The following SHQ1 variants were observed in gnomAD, a reference collection of about 807,000 sequenced individuals.
SHQ1 encodes SHQ1, H/ACA ribonucleoprotein assembly factor.
SHQ1 carries 49 observed loss-of-function variants against 53.8 expected under a neutral mutation model. The observed-to-expected ratio is 0.91, with a 90% CI of 0.72 to 1.16. The LOEUF is 1.16. Ranked by LOEUF, SHQ1 falls within the 50% of genes most tolerant of loss-of-function variation. SHQ1 has a pLI of 0.00. For synonymous variants in SHQ1, 243 were observed against 251.0 expected (o/e 0.97, Z 0.30); for missense variants, 738 against 683.1 (o/e 1.08, Z -0.90).
intron 4 of SHQ1, among the ~76,000 whole-genome samples, chr3:72,835,385 T>C (rs1707960586): frequency 6.6e-6 from 1 of 151,584 alleles, no homozygotes; most frequent in Admixed American, 6.6e-5. Context: ...TGCTGCTCCC[T>C]GTTACTCACT....
In SHQ1 at chr3:72,835,181, T is replaced by C. The variant is rs74713152; in HGVS notation, c.487-2700A>G. Among the ~76,000 whole-genome samples the C allele has an allele frequency of 5.4e-3, 822 of 151,244 alleles. 10 individuals carry two copies. Among genetic ancestry groups the C allele is most frequent in the African/African-American group, 0.019 (793 of 41,166 alleles). The stretch of plus-strand genomic sequence containing the variant: ...TCAACATCCTCAACATAACCAAATC[T>C]GCAAAATACCTTTTGCAACATAATG... On this transcript the variant is annotated intron_variant, in intron 4 of 10. Transcript: ENST00000325599.
intron 9 of SHQ1, among the ~76,000 whole-genome samples, chr3:72,803,512 G>C (rs572758545): frequency 1.3e-5 from 2 of 152,184 alleles, no homozygotes; most frequent in Non-Finnish European, 2.9e-5. Flanking sequence ...TAGCTGAAAT[G>C]ATCTACTTCA....
chr3:72,727,242 G>C, the SHQ1 span, among the ~76,000 whole-genome samples: 8 of 152,122 alleles, frequency 5.3e-5, no homozygotes, highest in African/African-American at 1.9e-4. Flanking sequence ...GCTCCCCGTA[G>C]TTTCCACCCG....
intron 10 of SHQ1, among the ~76,000 whole-genome samples, chr3:72,758,562 T>C (rs201125948): frequency 1.4e-5 from 2 of 146,672 alleles, no homozygotes; most frequent in South Asian, 2.1e-4. Context: ...AGGCTACTAT[T>C]TTTTCTTTTT....
intron 10 of SHQ1, among the ~76,000 whole-genome samples, chr3:72,774,040 C>A (rs1031950859): frequency 6.6e-6 from 1 of 152,082 alleles, no homozygotes; most frequent in Non-Finnish European, 1.5e-5. Flanking sequence ...CAGGCCAATA[C>A]TAATCAAAAG....
In SHQ1 at chr3:72,792,433, C is replaced by T. The variant is rs190210908; in HGVS notation, c.1181+483G>A. Among the ~76,000 whole-genome samples, 23 of 152,244 alleles carry T rather than the reference C, an allele frequency of 1.5e-4. No individual in the cohort carries two copies. In the East Asian group the frequency reaches 4.1e-3, roughly 27 times the overall value. On this transcript the variant is annotated intron_variant, in intron 10 of 10. Coordinates refer to ENST00000325599, the MANE Select transcript of SHQ1 (RefSeq NM_018130.3). ...TTCCCTAAGCAAATTCACCAAGCTC[C>T]CCATGTTAATCCAGTTGCTTTTTAG...
intron 1 of SHQ1, 70 bp downstream of exon 1, chr3:72,848,128 C>T: frequency 1.3e-6 from 2 of 1,587,876 alleles, no homozygotes; most frequent in Non-Finnish European, 8.6e-7. Context: ...CTCTCTCGAC[C>T]TTGCATTCTC....
At chr3:72,801,376 A>AT (rs1351661715) in intron 9 of SHQ1, among the ~76,000 whole-genome samples, 2 of 152,092 alleles carry the variant, frequency 1.3e-5, no homozygotes, top group Admixed American at 6.5e-5. Context: ...ATTACACTTC[A>AT]TTTTTTTCCA....
intron 5 of SHQ1, among the ~76,000 whole-genome samples, chr3:72,831,764 A>G (rs1385168794): frequency 6.6e-6 from 1 of 152,238 alleles, no homozygotes; most frequent in East Asian, 1.9e-4. Context: ...TGTTAATTAG[A>G]TAAGTTCTTT....
At chr3:72,734,412 T>G in the SHQ1 span, among the ~76,000 whole-genome samples, 1 of 150,884 alleles carries the variant, frequency 6.6e-6, no homozygotes, top group Non-Finnish European at 1.5e-5. Flanking sequence ...CATGCCACCA[T>G]GCCCAGCTAA....
chr3:72,759,954 G>GA (rs1301114208), intron 10 of SHQ1, among the ~76,000 whole-genome samples: 4 of 152,096 alleles, frequency 2.6e-5, no homozygotes, highest in East Asian at 3.9e-4. Context: ...AATTCTTACA[G>GA]AAAAAAATCA....
intron 10 of SHQ1, among the ~76,000 whole-genome samples, chr3:72,760,019 C>G (rs561395577): frequency 6.6e-6 from 1 of 152,314 alleles, no homozygotes; most frequent in South Asian, 2.1e-4. Context: ...TCAAATCAAT[C>G]TTTTAATCAA....
At chr3:72,841,270 GA>G (rs955938794) in intron 3 of SHQ1, 71 bp from the exon 4 acceptor site, 6 of 1,168,264 alleles carry the variant, frequency 5.1e-6, no homozygotes, top group Admixed American at 3.0e-5. Flanking sequence ...AAAAGTATAG[GA>G]AAAAATGCCC....
chr3:72,737,385 G>C, the SHQ1 span, among the ~76,000 whole-genome samples: 2 of 152,160 alleles, frequency 1.3e-5, no homozygotes, highest in Non-Finnish European at 2.9e-5. Flanking sequence ...TCTGAAGGCA[G>C]AGTCTGAAGG....
chr3:72,841,247 A>C (rs762177075), intron 3 of SHQ1, 48 bp from the exon 4 acceptor site: 11 of 1,457,230 alleles, frequency 7.5e-6, no homozygotes, highest in Non-Finnish European at 1.0e-5. Context: ...ATTTAAGTAC[A>C]ACTAGGGGAA....
At chr3:72,801,375 C>T (rs75185488) in intron 9 of SHQ1, among the ~76,000 whole-genome samples, 1,808 of 152,218 alleles carry the variant, frequency 0.012, 24 homozygotes, top group Non-Finnish European at 0.019. Context: ...AATTACACTT[C>T]ATTTTTTTCC....
chr3:72,742,281 G>A, the SHQ1 span, among the ~76,000 whole-genome samples: 1 of 151,840 alleles, frequency 6.6e-6, no homozygotes, highest in East Asian at 1.9e-4. Context: ...AAGAGCTGCT[G>A]AGGAAGCACC....
intron 6 of SHQ1, among the ~76,000 whole-genome samples, chr3:72,823,572 TATGTAATCATGAAA>T (rs1272115685): frequency 6.6e-6 from 1 of 152,208 alleles, no homozygotes; most frequent in Non-Finnish European, 1.5e-5. Flanking sequence ...AACCGGATAC[TATGTAATCATGAAA>T]AGCTTCAGGT....
intron 4 of SHQ1, among the ~76,000 whole-genome samples, chr3:72,833,527 TGATAGACAGATA>T (rs756049314): frequency 4.5e-5 from 6 of 133,212 alleles, no homozygotes; most frequent in African/African-American, 1.7e-4. Flanking sequence ...GATAGATGGA[TGATAGACAGATA>T]GATAGATAGA....
Sources: allele counts gnomAD v4.1 joint callset (sites outside exome capture counted in the v4.1 genomes callset), GRCh38; gene constraint gnomAD v4.1.1; transcripts MANE v1.5; gene names NCBI Gene and HGNC (gene_info 2026-07-23, HGNC 2026-07-21).